Variants in IFI27L1 observed in about 807,000 individuals in gnomAD.
The protein encoded by IFI27L1 is interferon alpha inducible protein 27 like 1, also known as interferon alpha-inducible protein 27-like protein 1.
In IFI27L1, 3 loss-of-function variants were observed where a neutral mutation model predicts 9.2. The ratio of observed to expected loss-of-function variants is 0.32; its 90% CI spans 0.15 to 0.84. IFI27L1 has a LOEUF of 0.84. IFI27L1 is among the 40% of genes least tolerant of loss of function. The probability of loss-of-function intolerance (pLI) is 0.56; values close to 1 mark genes in which losing one functional copy is unlikely to be tolerated. For missense variants in IFI27L1, 133 were observed against 134.2 expected, an observed-to-expected ratio of 0.99 and a Z score of 0.05; for synonymous variants, 53 against 50.0, an observed-to-expected ratio of 1.06 and a Z score of -0.26.
At chr14:94,083,985 A>G (rs1037681356) in intron 1 of IFI27L1, among the ~76,000 whole-genome samples, 1 of 152,164 alleles carries the variant, frequency 6.6e-6, no homozygotes, top group African/African-American at 2.4e-5. Context: ...AAAATGGGGG[A>G]GGGGGAGATG....
intron 1 of IFI27L1, among the ~76,000 whole-genome samples, chr14:94,089,560 A>C (rs1200590268): frequency 6.6e-6 from 1 of 152,186 alleles, no homozygotes; most frequent in Non-Finnish European, 1.5e-5. Flanking sequence ...TCTTTACTGC[A>C]TGCTATTTTA....
chr14:94,095,661 A>C (rs1886640817), intron 1 of IFI27L1, among the ~76,000 whole-genome samples: 2 of 152,102 alleles, frequency 1.3e-5, no homozygotes, highest in South Asian at 4.1e-4. Context: ...TGAGAGGAGG[A>C]GGTACCAGCC....
At chr14:94,097,622 G>A (rs917103214) in intron 2 of IFI27L1, 3 of 702,160 alleles carry the variant, frequency 4.3e-6, no homozygotes, top group Admixed American at 2.0e-5. Flanking sequence ...CGGGTGGCTT[G>A]GTCCGGGACT....
intron 1 of IFI27L1, among the ~76,000 whole-genome samples, chr14:94,096,515 G>A (rs1167410997): frequency 6.6e-6 from 1 of 152,126 alleles, no homozygotes; most frequent in African/African-American, 2.4e-5. Context: ...CCAACATGGT[G>A]AAACCCTGTC....
chr14:94,085,162 A>G (rs951600086), intron 1 of IFI27L1, among the ~76,000 whole-genome samples: 1 of 152,140 alleles, frequency 6.6e-6, no homozygotes, highest in African/African-American at 2.4e-5. Context: ...GGCTGAGGGG[A>G]ACCAAGAATG....
At chr14:94,088,138 G>A in intron 1 of IFI27L1, 1 of 648,940 alleles carries the variant, frequency 1.5e-6, no homozygotes, top group Middle Eastern at 3.2e-4. Flanking sequence ...GACCTGAATT[G>A]TGCCAAGCTG....
chr14:94,101,591 G>A (rs911925705), intron 3 of IFI27L1, among the ~76,000 whole-genome samples: 1 of 152,248 alleles, frequency 6.6e-6, no homozygotes, highest in Non-Finnish European at 1.5e-5. Context: ...GCCCTCAATG[G>A]TGTCTGTGAA....
intron 1 of IFI27L1, among the ~76,000 whole-genome samples, chr14:94,086,635 G>C (rs577648018): frequency 1.3e-5 from 2 of 152,206 alleles, no homozygotes; most frequent in Non-Finnish European, 2.9e-5. Flanking sequence ...ACCAGGGGAA[G>C]TATGGCAGAG....
At position 94,102,537 on chromosome 14, in the gene IFI27L1, G is replaced by C; in HGVS notation, c.284G>C (p.Gly95Ala). The C allele has an allele frequency of 6.3e-7, 1 of 1,584,650 alleles. No individual in the cohort carries two copies. The highest frequency in any genetic ancestry group is 8.6e-7 in the Non-Finnish European group (1 of 1,164,884). Residue 95 changes from glycine to alanine, a missense_variant, in exon 5 of 5, where the codon GGG becomes GCG. By Grantham distance (60) the Gly-to-Ala change is moderately conservative. Coordinates refer to ENST00000555523, the MANE Select transcript of IFI27L1 (RefSeq NM_206949.3). ...GGGGGCTTTGCTGGGACAGCTCTTG[G>C]GGCCTGGCTGGGTTCACCCCCTTCC... ...VIGGFAGTAL[G>A]AWLGSPPSS is the part of the protein sequence containing the mutation.
chr14:94,089,126 C>T (rs541900412), intron 1 of IFI27L1: 10 of 151,944 alleles, frequency 6.6e-5, no homozygotes, highest in Admixed American at 1.3e-4. Context: ...ATAGAGGTCC[C>T]GATGCATATC....
rs1323069788 is a variant in IFI27L1, at chr14:94,088,245, C to T, written c.-52+6796C>T. The T allele has an allele frequency of 4.3e-6, 3 of 702,084 alleles. No individual in the cohort carries two copies. The Admixed American group carries it at 6.0e-5, about 14-fold the overall frequency. The allele number at this position is 702,084 out of a possible 1,614,324, so 43.5% of individuals were successfully genotyped here. ...ATTGTAGTAGGGACTTGTTTTTTTG[C>T]AGTAGCAGAAGCAGAGTCCCAGGAT... On this transcript the variant is annotated intron_variant, in intron 1 of 4. Transcript: ENST00000555523.
intron 3 of IFI27L1, chr14:94,101,021 CG>C: frequency 1.7e-6 from 1 of 598,980 alleles, no homozygotes; most frequent in Non-Finnish European, 3.0e-6. Context: ...CATGCAACCC[CG>C]GATGAGTCAT....
intron 2 of IFI27L1, among the ~76,000 whole-genome samples, chr14:94,098,584 C>T (rs927623397): frequency 6.7e-6 from 1 of 148,646 alleles, no homozygotes; most frequent in African/African-American, 2.6e-5. Flanking sequence ...GCAACAAAGA[C>T]GTTTTGAGGA....
At chr14:94,091,547 A>G (rs934271340) in intron 1 of IFI27L1, among the ~76,000 whole-genome samples, 1 of 152,234 alleles carries the variant, frequency 6.6e-6, no homozygotes, top group East Asian at 1.9e-4. Context: ...CCTAGTATCT[A>G]AAAGATTAAT....
intron 2 of IFI27L1, 136 bp downstream of exon 2, chr14:94,097,101 G>A: frequency 1.5e-6 from 1 of 665,754 alleles, no homozygotes; most frequent in Non-Finnish European, 2.5e-6. Flanking sequence ...GAATTATTCA[G>A]GAATGAATGA....
chr14:94,102,187 G>T, intron 4 of IFI27L1: 1 of 616,808 alleles, frequency 1.6e-6, no homozygotes, highest in Non-Finnish European at 2.9e-6. Context: ...ACCCAGGCAG[G>T]TCTCCTCCCC....
chr14:94,087,835 A>G (rs1400637907), intron 1 of IFI27L1, among the ~76,000 whole-genome samples: 1 of 152,144 alleles, frequency 6.6e-6, no homozygotes, highest in Non-Finnish European at 1.5e-5. Context: ...ATTTGTGCAC[A>G]TCTCTGATTC....
chr14:94,101,205 G>A (rs1886882208), intron 3 of IFI27L1: 1 of 299,872 alleles, frequency 3.3e-6, no homozygotes, highest in African/African-American at 2.1e-5. Context: ...ATAAAGCAGT[G>A]TCCTCCAATG....
intron 1 of IFI27L1, among the ~76,000 whole-genome samples, chr14:94,086,491 A>G (rs1366268212): frequency 6.6e-6 from 1 of 152,180 alleles, no homozygotes; most frequent in East Asian, 1.9e-4. Flanking sequence ...CCCCATTGCC[A>G]ATAAATATTA....
Sources: gnomAD v4.1 joint callset for allele counts (sites outside exome capture counted in the v4.1 genomes callset) on GRCh38, gnomAD v4.1.1 for gene constraint, MANE v1.5 for transcripts, NCBI Gene and HGNC (gene_info 2026-07-23, HGNC 2026-07-21) for gene names.